EHD3: variants seen among roughly 807,000 people sequenced by gnomAD.
EHD3 encodes the protein EH domain containing 3, also known as EH domain-containing protein 3.
Under a neutral mutation model 43.0 loss-of-function variants are expected in EHD3, and 17 were observed. That is an observed-to-expected ratio of 0.40 (90% CI 0.27 to 0.59). The LOEUF (loss-of-function observed/expected upper bound fraction) is 0.59, where lower values mean the gene tolerates loss of function less well. Among genes scored for constraint, EHD3 ranks in the 20% least tolerant of loss-of-function variants. EHD3 has a pLI of 0.49. For synonymous variants in EHD3, 313 were observed against 289.5 expected (o/e 1.08, Z -0.82); for missense variants, 594 against 705.6 (o/e 0.84, Z 1.79).
At chr2:31,240,433 C>T (rs998833193) in intron 1 of EHD3, among the ~76,000 whole-genome samples, 2 of 152,196 alleles carry the variant, frequency 1.3e-5, no homozygotes, top group Non-Finnish European at 2.9e-5. Flanking sequence ...GGCTTTGTTA[C>T]AGGGGCACCT....
At chr2:31,252,712 G>A (rs1683662002) in intron 3 of EHD3, among the ~76,000 whole-genome samples, 2 of 152,170 alleles carry the variant, frequency 1.3e-5, no homozygotes, top group African/African-American at 4.8e-5. Flanking sequence ...CCCAGTGACT[G>A]CCTTAAGCAA....
intron 1 of EHD3, among the ~76,000 whole-genome samples, chr2:31,239,807 C>G (rs577374545): frequency 1.3e-5 from 2 of 150,876 alleles, no homozygotes; most frequent in South Asian, 4.2e-4. Flanking sequence ...CCAGGCACCG[C>G]GCATGGGGCT....
At chr2:31,235,904 G>T (rs1359308648) in intron 1 of EHD3, among the ~76,000 whole-genome samples, 3 of 152,164 alleles carry the variant, frequency 2.0e-5, no homozygotes, top group African/African-American at 7.2e-5. Flanking sequence ...GAATGCTGTG[G>T]CCCTCTGTCT....
chr2:31,241,817 G>A (rs1683429962), intron 1 of EHD3, among the ~76,000 whole-genome samples: 1 of 152,196 alleles, frequency 6.6e-6, no homozygotes, highest in South Asian at 2.1e-4. Context: ...GAAGGAGAAG[G>A]TATTCTGAGA....
Position 31,260,120 on chromosome 2 carries a change from G to A in EHD3, c.503-390G>A, listed in dbSNP as rs553618449. The stretch of plus-strand genomic sequence containing the variant: ...GGAGGCTGAGGCAGGAAAATCACTT[G>A]ACCCCAGGAGGCAGAGGTTGCAGTG... On this transcript the variant is annotated intron_variant, in intron 3 of 5. Coordinates refer to ENST00000322054, the MANE Select transcript of EHD3 (RefSeq NM_014600.3). This position sits in a 1 kb window ranked among gnomAD's most constrained non-coding sequence, Gnocchi z 4.6. Among the ~76,000 whole-genome samples the A allele has an allele frequency of 2.2e-3, 332 of 152,182 alleles. 2 individuals carry two copies. Among genetic ancestry groups the A allele is most frequent in the African/African-American group, 7.7e-3 (320 of 41,520 alleles).
At position 31,234,549 on chromosome 2, in the gene EHD3, G is replaced by T; in HGVS notation, c.-73G>T. 6.4e-7 allele frequency: 1 copy of T among 1,551,090 alleles called. No individual in the cohort carries two copies. The highest frequency in any genetic ancestry group is 8.8e-7 in the Non-Finnish European group (1 of 1,138,490). Reference sequence around the variant, plus strand: ...GCGCGGCTCGGAGCCCGGCGGACCGGTCCTACGGGACATCTTCCCCTGAGG... The same window carrying T: ...GCGCGGCTCGGAGCCCGGCGGACCGTTCCTACGGGACATCTTCCCCTGAGG... On this transcript the variant is annotated 5_prime_UTR_variant, in exon 1 of 6. Transcript: ENST00000322054.
chr2:31,241,636 G>A (rs983469998), intron 1 of EHD3, among the ~76,000 whole-genome samples: 56 of 152,280 alleles, frequency 3.7e-4, no homozygotes, highest in African/African-American at 9.9e-4. Context: ...AACAACGTCC[G>A]GCACATCGCA....
chr2:31,234,488 T>A lies in EHD3; in HGVS notation c.-134T>A. 2 of 983,228 alleles carry A rather than the reference T, an allele frequency of 2.0e-6. No homozygotes were observed. The highest frequency in any genetic ancestry group is 3.2e-5 in the South Asian group (2 of 62,016). The allele number at this position is 983,228 out of a possible 1,614,324, so 60.9% of individuals were successfully genotyped here. A position where few individuals can be genotyped will look rare whatever the true frequency, so the allele number is the denominator to read the frequency against. The stretch of plus-strand genomic sequence containing the variant: ...CCCTCCTAGCCGCGTGCCCGGGCCA[T>A]GGTGCGGCTGAGCCCCGCGCTTGGG... On this transcript the variant is annotated 5_prime_UTR_variant, in exon 1 of 6. It removes an upstream start codon present in the reference 5' UTR. Coordinates refer to ENST00000322054, the MANE Select transcript of EHD3 (RefSeq NM_014600.3).
Sources: gnomAD v4.1 joint callset for allele counts (sites outside exome capture counted in the v4.1 genomes callset) on GRCh38, gnomAD v4.1.1 for gene constraint, Gnocchi (gnomAD v3.1) non-coding constraint, MANE v1.5 for transcripts, NCBI Gene and HGNC (gene_info 2026-07-23, HGNC 2026-07-21) for gene names.